TRAPPC9: variants seen among roughly 807,000 people sequenced by gnomAD.
TRAPPC9 encodes the protein trafficking protein particle complex subunit 9.
TRAPPC9 carries 83 observed loss-of-function variants against 124.0 expected under a neutral mutation model. That is an observed-to-expected ratio of 0.67 (90% CI 0.56 to 0.80). TRAPPC9 has a LOEUF of 0.80. Among genes scored for constraint, TRAPPC9 ranks in the 30% least tolerant of loss-of-function variants. TRAPPC9 has a pLI of 0.00. For missense variants in TRAPPC9, 1,302 were observed against 1,508.3 expected (o/e 0.86, Z 2.27); for synonymous variants, 638 against 617.5 (o/e 1.03, Z -0.49).
At chr8:140,260,298 G>T (rs977628652) in intron 15 of TRAPPC9, among the ~76,000 whole-genome samples, 1 of 152,162 alleles carries the variant, frequency 6.6e-6, no homozygotes, top group South Asian at 2.1e-4. Context: ...GCTCGAGAGT[G>T]AAGTGGGTTC....
intron 17 of TRAPPC9, among the ~76,000 whole-genome samples, chr8:140,140,541 G>A (rs945426496): frequency 3.3e-5 from 5 of 152,054 alleles, no homozygotes; most frequent in African/African-American, 9.7e-5. Flanking sequence ...ATCAATCAGC[G>A]AATGAAACAA....
Position 139,984,993 on chromosome 8 carries a change from G to A in TRAPPC9, c.2810+3733C>T, listed in dbSNP as rs1393298621. ...TGTTGCCAATCCCCAGCGAGGAGGG[G>A]CCCTTATTTATTCTTCTCAGCACGC... On this transcript the variant is annotated intron_variant, in intron 19 of 22. Coordinates refer to ENST00000438773, the MANE Select transcript of TRAPPC9 (RefSeq NM_001160372.4). This position sits in a 1 kb window ranked among gnomAD's most constrained non-coding sequence, Gnocchi z 4.3. 6.6e-6 allele frequency among the ~76,000 whole-genome samples: 1 copy of A among 152,186 alleles called. No homozygotes were observed. The highest frequency in any genetic ancestry group is 1.5e-5 in the Non-Finnish European group (1 of 68,036).
chr8:140,404,965 C>T (rs2069439608), intron 6 of TRAPPC9, among the ~76,000 whole-genome samples: 1 of 141,630 alleles, frequency 7.1e-6, no homozygotes, highest in Non-Finnish European at 1.6e-5. Context: ...GCATAAAGGT[C>T]ATGGAGGCTA....
chr8:139,810,430 G>A (rs567524910), intron 21 of TRAPPC9, among the ~76,000 whole-genome samples: 1 of 152,174 alleles, frequency 6.6e-6, no homozygotes, highest in African/African-American at 2.4e-5. Flanking sequence ...GGGATTTCAC[G>A]AGTTGGCTGA....
chr8:140,075,871 T>C (rs1843478109), intron 17 of TRAPPC9, among the ~76,000 whole-genome samples: 2 of 152,250 alleles, frequency 1.3e-5, no homozygotes, highest in South Asian at 2.1e-4. Flanking sequence ...ACGGGGCATT[T>C]TGACTCACTT....
intron 17 of TRAPPC9, among the ~76,000 whole-genome samples, chr8:140,101,333 A>G (rs2060574359): frequency 6.6e-6 from 1 of 151,948 alleles, no homozygotes; most frequent in African/African-American, 2.4e-5. Flanking sequence ...ATGGGATTTC[A>G]CTATGTTGGC....
At chr8:140,009,145 TATC>T (rs1838953572) in intron 18 of TRAPPC9, among the ~76,000 whole-genome samples, 1 of 152,118 alleles carries the variant, frequency 6.6e-6, no homozygotes, top group African/African-American at 2.4e-5. Context: ...GAAATGTACT[TATC>T]ATGAAAAAAA....
At chr8:140,200,889 T>A (rs564185609) in intron 17 of TRAPPC9, among the ~76,000 whole-genome samples, 2 of 152,202 alleles carry the variant, frequency 1.3e-5, no homozygotes, top group Non-Finnish European at 2.9e-5. Flanking sequence ...ACACTGACAA[T>A]GGAGAAAACT....
At chr8:140,232,626 A>G (rs1197793888) in intron 16 of TRAPPC9, among the ~76,000 whole-genome samples, 4 of 152,154 alleles carry the variant, frequency 2.6e-5, no homozygotes. Context: ...GTCACTGCGC[A>G]TCAACAGTGA....
intron 20 of TRAPPC9, among the ~76,000 whole-genome samples, chr8:139,902,226 G>T (rs974073085): frequency 3.3e-5 from 5 of 152,212 alleles, no homozygotes; most frequent in African/African-American, 1.2e-4. Flanking sequence ...TGAAGTCTGT[G>T]CTGAGTATGT....
Position 140,104,029 on chromosome 8 carries a change from G to A in TRAPPC9, c.2557-79950C>T, listed in dbSNP as rs1249315468. Among the ~76,000 whole-genome samples, 21 of 152,180 alleles carry A rather than the reference G, an allele frequency of 1.4e-4. No individual in the cohort carries two copies. Among genetic ancestry groups the A allele is most frequent in the Admixed American group, 9.2e-4 (14 of 15,268 alleles). Reference sequence around the variant, plus strand: ...TTGGCATGCATCTCTAAATCCAGACGCTGGACCATCCCTTTGCTTCCTATG... The same window carrying A: ...TTGGCATGCATCTCTAAATCCAGACACTGGACCATCCCTTTGCTTCCTATG... On this transcript the variant is annotated intron_variant, in intron 17 of 22. Transcript: ENST00000438773. This position sits in a 1 kb window ranked among gnomAD's most constrained non-coding sequence, Gnocchi z 4.0.
At chr8:140,299,111 G>A (rs953698728) in intron 11 of TRAPPC9, among the ~76,000 whole-genome samples, 1 of 152,228 alleles carries the variant, frequency 6.6e-6, no homozygotes, top group African/African-American at 2.4e-5. Context: ...CCAAAAGGAT[G>A]TGACAACAAG....
intron 17 of TRAPPC9, among the ~76,000 whole-genome samples, chr8:140,119,034 T>G (rs2060938816): frequency 6.6e-6 from 1 of 152,188 alleles, no homozygotes. Context: ...AAATGCAGTC[T>G]AATGTCAGGC....
At position 140,353,650 on chromosome 8, in the gene TRAPPC9, C is replaced by G. The variant is rs559387751; in HGVS notation, c.1495+6400G>C. ...CAAGGATGACCATCAGGCCGCGGGC[C>G]AGACCTGGTCCATAGGCCACGGTTT... On this transcript the variant is annotated intron_variant, in intron 9 of 22. Coordinates refer to ENST00000438773, the MANE Select transcript of TRAPPC9 (RefSeq NM_001160372.4). The surrounding 1 kb of genome is among the most constrained non-coding windows in gnomAD (Gnocchi z 4.2). Among the ~76,000 whole-genome samples the G allele has an allele frequency of 6.6e-6, 1 of 152,224 alleles. No individual in the cohort carries two copies. The highest frequency in any genetic ancestry group is 2.4e-5 in the African/African-American group (1 of 41,454).
At chr8:140,221,358 T>C in intron 17 of TRAPPC9, 101 bp downstream of exon 17, 4 of 1,526,130 alleles carry the variant, frequency 2.6e-6, no homozygotes, top group Non-Finnish European at 2.7e-6. Flanking sequence ...CAAATACACA[T>C]AGCCTTTCCT....
chr8:139,791,371 C>T (rs575473315), intron 21 of TRAPPC9, among the ~76,000 whole-genome samples: 2 of 148,660 alleles, frequency 1.3e-5, no homozygotes, highest in Non-Finnish European at 3.0e-5. Context: ...CTCCCCTGCA[C>T]ACACTCACAC....
At chr8:140,185,599 G>C (rs148402595) in intron 17 of TRAPPC9, among the ~76,000 whole-genome samples, 1 of 152,192 alleles carries the variant, frequency 6.6e-6, no homozygotes, top group East Asian at 1.9e-4. Context: ...GGAGAAGACG[G>C]AGTTCTGGTC....
intron 19 of TRAPPC9, among the ~76,000 whole-genome samples, chr8:139,919,160 C>A (rs1303868821): frequency 6.6e-6 from 1 of 152,218 alleles, no homozygotes; most frequent in African/African-American, 2.4e-5. Context: ...GGGTGCTGTG[C>A]CGAGGAAGGG....
At chr8:139,748,253 A>G (rs1819068962) in intron 21 of TRAPPC9, among the ~76,000 whole-genome samples, 1 of 51,544 alleles carries the variant, frequency 1.9e-5, no homozygotes. Flanking sequence ...GTGTCAGAGC[A>G]GGTAGGGGGG....
Sources: gnomAD v4.1 joint callset for allele counts (sites outside exome capture counted in the v4.1 genomes callset) on GRCh38, gnomAD v4.1.1 for gene constraint, Gnocchi (gnomAD v3.1) non-coding constraint, MANE v1.5 for transcripts, NCBI Gene and HGNC (gene_info 2026-07-23, HGNC 2026-07-21) for gene names.